Variants in KCNJ6 observed in about 807,000 individuals in gnomAD.
The protein encoded by KCNJ6 is G protein-activated inward rectifier potassium channel 2.
KCNJ6 carries 9 observed loss-of-function variants against 34.2 expected under a neutral mutation model. The ratio of observed to expected loss-of-function variants is 0.26; its 90% CI spans 0.16 to 0.46. KCNJ6 has a LOEUF of 0.46. KCNJ6 is among the 20% of genes least tolerant of loss of function. The pLI, the probability that KCNJ6 is intolerant of heterozygous loss-of-function variation, is 1.00. For synonymous variants in KCNJ6, 196 were observed against 207.1 expected (o/e 0.95, Z 0.46); for missense variants, 236 against 531.3 (o/e 0.44, Z 5.46).
At chr21:37,688,380 TAA>T (rs397793297) in intron 3 of KCNJ6, among the ~76,000 whole-genome samples, 46,973 of 151,248 alleles carry the variant, frequency 0.31, 7,376 homozygotes, top group Middle Eastern at 0.35. Context: ...ATTTTTTTTT[TAA>T]AAAATCTACT....
rs546492119 is a variant in KCNJ6 at position 37,784,718 on chromosome 21, A to G, written c.25+55940T>C. Among the ~76,000 whole-genome samples, 253 of 152,090 alleles carry G rather than the reference A, an allele frequency of 1.7e-3. 1 individual carries two copies. The highest frequency in any genetic ancestry group is 5.2e-3 in the African/African-American group (217 of 41,486). ...AGCGGCTGGGTCTGTGTTTCACATC[A>G]TAGAGTCTGTGCCTGCCTGGCTCCT... On this transcript the variant is annotated intron_variant, in intron 2 of 3. Transcript: ENST00000609713.
chr21:37,890,194 C>T (rs1370353910), intron 1 of KCNJ6, among the ~76,000 whole-genome samples: 1 of 152,148 alleles, frequency 6.6e-6, no homozygotes, highest in African/African-American at 2.4e-5. Flanking sequence ...GAAGAGGAAG[C>T]AAGCACATCC....
intron 2 of KCNJ6, among the ~76,000 whole-genome samples, chr21:37,781,132 A>G (rs901167199): frequency 6.6e-6 from 1 of 152,158 alleles, no homozygotes; most frequent in Non-Finnish European, 1.5e-5. Context: ...CAGAATTCCC[A>G]TCTCCACACC....
At chr21:37,840,239 A>C (rs1040370250) in intron 2 of KCNJ6, among the ~76,000 whole-genome samples, 36 of 152,180 alleles carry the variant, frequency 2.4e-4, no homozygotes, top group Admixed American at 6.5e-5. Context: ...GAAATTTCTG[A>C]ACGACACCTG....
chr21:37,859,677 T>A (rs763916543), intron 1 of KCNJ6, among the ~76,000 whole-genome samples: 2 of 151,556 alleles, frequency 1.3e-5, no homozygotes, highest in South Asian at 4.2e-4. Flanking sequence ...TATCTCTGTT[T>A]CATGTGGGTT....
At chr21:37,648,957 C>A (rs2054418424) in intron 3 of KCNJ6, among the ~76,000 whole-genome samples, 1 of 151,816 alleles carries the variant, frequency 6.6e-6, no homozygotes, top group Non-Finnish European at 1.5e-5. Flanking sequence ...CATGGTGAAA[C>A]CCCGTCTCTA....
rs1569430098 is a variant in KCNJ6, at chr21:37,617,062, CTTTTCTTTTCT to C, written c.*8086_*8096del. ...TTTCTTTCTTTCTTTCTTTTCTTTT[CTTTTCTTTTCT>C]TTTCTTTCTTTTTCTTTCTTTCTTT... On this transcript the variant is annotated 3_prime_UTR_variant, in exon 4 of 4. Transcript: ENST00000609713. 1 of 60,342 alleles carries C rather than the reference CTTTTCTTTTCT, an allele frequency of 1.7e-5. No individual in the cohort carries two copies. Among genetic ancestry groups the C allele is most frequent in the Non-Finnish European group, 4.2e-5 (1 of 23,532 alleles). The allele number at this position is 60,342 out of a possible 1,614,324, so 3.7% of individuals were successfully genotyped here.
At chr21:37,835,825 C>A (rs559121643) in intron 2 of KCNJ6, among the ~76,000 whole-genome samples, 1 of 152,258 alleles carries the variant, frequency 6.6e-6, no homozygotes, top group South Asian at 2.1e-4. Flanking sequence ...TAACCCTAAC[C>A]CTAACCCTAA....
chr21:37,649,150 A>G (rs2054420367), intron 3 of KCNJ6, among the ~76,000 whole-genome samples: 2 of 150,068 alleles, frequency 1.3e-5, no homozygotes. Context: ...AAAAAAAAAA[A>G]AAAAGAAAGA....
chr21:37,761,227 CTG>C (rs377654609), intron 2 of KCNJ6, among the ~76,000 whole-genome samples: 80 of 146,716 alleles, frequency 5.5e-4, no homozygotes, highest in African/African-American at 1.8e-3. Context: ...GTGTGCATGT[CTG>C]TGTGTGTGGT....
intron 3 of KCNJ6, among the ~76,000 whole-genome samples, chr21:37,706,601 C>G (rs1325464916): frequency 3.3e-5 from 1 of 29,990 alleles, no homozygotes; most frequent in African/African-American, 8.3e-5. Context: ...AAATAAACCA[C>G]TGTTTTCAGC....
At chr21:37,884,373 C>T (rs1461156220) in intron 1 of KCNJ6, among the ~76,000 whole-genome samples, 4 of 152,108 alleles carry the variant, frequency 2.6e-5, no homozygotes, top group African/African-American at 7.2e-5. Flanking sequence ...CTGAGACCCT[C>T]GTCTCCCTCA....
chr21:37,847,054 T>A (rs1031110575), intron 1 of KCNJ6, among the ~76,000 whole-genome samples: 3 of 152,114 alleles, frequency 2.0e-5, no homozygotes, highest in Non-Finnish European at 2.9e-5. Context: ...CATTTAAGAA[T>A]CACTAATTAG....
intron 2 of KCNJ6, among the ~76,000 whole-genome samples, chr21:37,754,504 C>T (rs573017858): frequency 1.3e-5 from 2 of 152,198 alleles, no homozygotes; most frequent in African/African-American, 4.8e-5. Flanking sequence ...CACTTGGTTA[C>T]AGAAATAAGT....
rs2054305324 is a variant in KCNJ6 at position 37,625,174 on chromosome 21, A to C, written c.1257T>G (p.Asn419Lys). 2 of 1,613,536 alleles carry C rather than the reference A, an allele frequency of 1.2e-6. No individual in the cohort carries two copies. Among genetic ancestry groups the C allele is most frequent in the Non-Finnish European group, 1.7e-6 (2 of 1,179,622 alleles). The stretch of plus-strand genomic sequence containing the variant: ...AGCTAGGGCACTAAACTTTGGATTC[A>C]TTCTCCAGGTTTGCCACATCACCAT... ...ERNGDVANLENESKV is the reference protein window; with the variant it reads ...ERNGDVANLEKESKV The change falls in exon 4 of 4, where the codon AAT becomes AAG. Residue 419 changes from asparagine (N) to lysine (K), a missense_variant. Physicochemically the swap from Asn to Lys is moderately conservative, Grantham distance 94. Transcript: ENST00000609713.
intron 2 of KCNJ6, among the ~76,000 whole-genome samples, chr21:37,833,206 G>T (rs1477588770): frequency 6.6e-6 from 1 of 151,936 alleles, no homozygotes; most frequent in Non-Finnish European, 1.5e-5. Context: ...GTGGAGACGG[G>T]GTTTCACCAT....
intron 1 of KCNJ6, among the ~76,000 whole-genome samples, chr21:37,846,654 T>C (rs1033160037): frequency 3.3e-5 from 5 of 152,180 alleles, no homozygotes; most frequent in Admixed American, 3.3e-4. Context: ...GCATCTCAGA[T>C]ATTTTTATCT....
At chr21:37,639,614 T>C (rs1005176280) in intron 3 of KCNJ6, among the ~76,000 whole-genome samples, 1 of 152,204 alleles carries the variant, frequency 6.6e-6, no homozygotes, top group African/African-American at 2.4e-5. Flanking sequence ...TTCAGAAAAG[T>C]CTCATTCCCA....
intron 3 of KCNJ6, among the ~76,000 whole-genome samples, chr21:37,708,713 A>G (rs781010624): frequency 6.6e-6 from 1 of 152,224 alleles, no homozygotes; most frequent in Non-Finnish European, 1.5e-5. Context: ...TTGGGGTTAT[A>G]ACTCTTAAGA....
Sources: gnomAD v4.1 joint callset for allele counts (sites outside exome capture counted in the v4.1 genomes callset) on GRCh38, gnomAD v4.1.1 for gene constraint, MANE v1.5 for transcripts, NCBI Gene and HGNC (gene_info 2026-07-23, HGNC 2026-07-21) for gene names.